The following DOCK5 variants were observed in gnomAD, a reference collection of about 807,000 sequenced individuals.
DOCK5 encodes dedicator of cytokinesis protein 5.
DOCK5 carries 142 observed loss-of-function variants against 251.8 expected under a neutral mutation model. That is an observed-to-expected ratio of 0.56 (90% CI 0.49 to 0.65). The LOEUF is 0.65. Among genes scored for constraint, DOCK5 ranks in the 30% least tolerant of loss-of-function variants. DOCK5 has a pLI of 0.00. For synonymous variants in DOCK5, 842 were observed against 835.5 expected (o/e 1.01, Z -0.13); for missense variants, 2,111 against 2,312.3 (o/e 0.91, Z 1.79).
At chr8:25,402,326 T>G (rs1044161559) in intron 47 of DOCK5, among the ~76,000 whole-genome samples, 3 of 151,770 alleles carry the variant, frequency 2.0e-5, no homozygotes, top group African/African-American at 7.3e-5. Flanking sequence ...AGACAGAGTC[T>G]CGCTCTGTCG....
chr8:25,276,976 CCTT>C (rs1476801531), intron 4 of DOCK5: 6 of 152,136 alleles, frequency 3.9e-5, no homozygotes, highest in Non-Finnish European at 5.9e-5. Flanking sequence ...GATAATTGCT[CCTT>C]ATTAACACTG....
intron 1 of DOCK5, among the ~76,000 whole-genome samples, chr8:25,187,364 T>TTG (rs34685735): frequency 0.19 from 26,528 of 136,402 alleles, 2,667 homozygotes; most frequent in African/African-American, 0.29. Context: ...TGGGTGGAAA[T>TTG]TGTGTGTGTG....
At position 25,347,732 on chromosome 8, in the gene DOCK5, A is replaced by G. The variant is rs1340174529; in HGVS notation, c.2754+2121A>G. ...ATCAGAGCATTGGATTCTAGTCCCA[A>G]TATTACCACTCTGCAGCTATTTGTC... is the stretch of plus-strand genomic sequence containing the variant. On this transcript the variant is annotated intron_variant, in intron 26 of 51. Transcript: ENST00000276440. Among the ~76,000 whole-genome samples, 9 of 152,154 alleles carry G rather than the reference A, an allele frequency of 5.9e-5. No homozygotes were observed. In the South Asian group the frequency reaches 6.2e-4, roughly 11 times the overall value.
At chr8:25,195,308 G>C (rs1398876473) in intron 1 of DOCK5, among the ~76,000 whole-genome samples, 1 of 143,674 alleles carries the variant, frequency 7.0e-6, no homozygotes, top group Non-Finnish European at 1.5e-5. Context: ...GCCCAGGCTG[G>C]TCTTGAACTC....
intron 1 of DOCK5, among the ~76,000 whole-genome samples, chr8:25,220,673 G>T (rs1445198014): frequency 6.6e-6 from 1 of 152,076 alleles, no homozygotes; most frequent in East Asian, 1.9e-4. Context: ...GTATAGTGGC[G>T]CAATCTCGGC....
chr8:25,397,091 G>A (rs1194961853), intron 45 of DOCK5, among the ~76,000 whole-genome samples: 3 of 151,964 alleles, frequency 2.0e-5, no homozygotes, highest in South Asian at 2.1e-4. Flanking sequence ...GCGTGATGGC[G>A]GGTGCCTGTA....
chr8:25,393,602 G>C (rs1036457395), intron 44 of DOCK5, among the ~76,000 whole-genome samples: 1 of 152,088 alleles, frequency 6.6e-6, no homozygotes, highest in Admixed American at 6.5e-5. Context: ...ACACTGGATC[G>C]TTTTCTCTGC....
At chr8:25,392,688 A>T in intron 43 of DOCK5, 108 bp from the exon 44 acceptor site, 4 of 942,328 alleles carry the variant, frequency 4.2e-6, no homozygotes, top group Non-Finnish European at 6.6e-6. Context: ...ATAGAATCTC[A>T]CTTAAGTGAA....
At chr8:25,312,631 C>T (rs992101407) in intron 13 of DOCK5, among the ~76,000 whole-genome samples, 15 of 152,002 alleles carry the variant, frequency 9.9e-5, no homozygotes, top group African/African-American at 3.4e-4. Flanking sequence ...GGCGAGTTGA[C>T]GTGTACCTGT....
chr8:25,409,309 G>T (rs561683757), intron 50 of DOCK5: 13 of 247,160 alleles, frequency 5.3e-5, no homozygotes, highest in Non-Finnish European at 7.2e-5. Context: ...GTCTGGCTTG[G>T]GGAACCAGCA....
intron 11 of DOCK5, among the ~76,000 whole-genome samples, chr8:25,307,733 G>A (rs990879025): frequency 2.6e-5 from 4 of 151,998 alleles, no homozygotes; most frequent in African/African-American, 7.2e-5. Flanking sequence ...TGTATAATCC[G>A]TGCCTTGAGT....
At chr8:25,203,178 CAG>C (rs1353002937) in intron 1 of DOCK5, among the ~76,000 whole-genome samples, 2 of 152,212 alleles carry the variant, frequency 1.3e-5, no homozygotes, top group African/African-American at 4.8e-5. Context: ...CCACTGATGA[CAG>C]AATCCTGAAT....
intron 20 of DOCK5, among the ~76,000 whole-genome samples, chr8:25,333,766 C>G (rs181308188): frequency 4.7e-4 from 71 of 152,296 alleles, no homozygotes; most frequent in African/African-American, 1.6e-3. Context: ...AGAGAAAACA[C>G]CTTTCCAGAG....
chr8:25,391,927 A>G lies in DOCK5; in HGVS notation c.4387A>G (p.Arg1463Gly). Residue 1463 changes from arginine to glycine, a missense_variant, in exon 43 of 52, where the codon AGA becomes GGA. Around this residue, in one of 3 missense-constraint regions of DOCK5, gnomAD observed 1,717 missense variants for 1,892.4 expected, o/e 0.91. Coordinates refer to ENST00000276440, the MANE Select transcript of DOCK5 (RefSeq NM_024940.8). Reference protein sequence around the residue: ...YYRANEVQQFRYSRPFRKGEK... With the variant: ...YYRANEVQQFGYSRPFRKGEK... The stretch of plus-strand genomic sequence containing the variant: ...CAGAGCCAATGAAGTGCAGCAGTTC[A>G]GATACTCCCGGCCGTTCCGGAAAGG... 6.2e-7 allele frequency: 1 copy of G among 1,613,934 alleles called. No homozygotes were observed. Among genetic ancestry groups the G allele is most frequent in the Non-Finnish European group, 8.5e-7 (1 of 1,179,864 alleles).
chr8:25,201,667 A>G (rs1442997958), intron 1 of DOCK5, among the ~76,000 whole-genome samples: 2 of 152,180 alleles, frequency 1.3e-5, no homozygotes, highest in African/African-American at 4.8e-5. Context: ...GGATTTTTGA[A>G]GTCCAAGTCT....
intron 5 of DOCK5, among the ~76,000 whole-genome samples, chr8:25,288,652 A>C (rs1804405620): frequency 6.6e-6 from 1 of 152,224 alleles, no homozygotes; most frequent in South Asian, 2.1e-4. Flanking sequence ...GAATAGCTAA[A>C]AGTGGACAAA....
intron 2 of DOCK5, among the ~76,000 whole-genome samples, chr8:25,263,623 C>T (rs977453341): frequency 2.6e-5 from 4 of 151,734 alleles, no homozygotes; most frequent in African/African-American, 9.7e-5. Context: ...CCCCTCACCC[C>T]GTTTTAGCTC....
At chr8:25,345,442 CTG>C in intron 25 of DOCK5, 31 bp from the exon 26 acceptor site, 1 of 1,610,618 alleles carries the variant, frequency 6.2e-7, no homozygotes, top group East Asian at 2.2e-5. Flanking sequence ...GGTGGCACTG[CTG>C]TGTGTGAGCT....
chr8:25,250,325 C>T (rs773931966), intron 2 of DOCK5, among the ~76,000 whole-genome samples: 5 of 152,196 alleles, frequency 3.3e-5, no homozygotes, highest in Non-Finnish European at 7.3e-5. Flanking sequence ...TACAGGTCTC[C>T]AGGAATTATT....
Sources: gnomAD v4.1 joint callset for allele counts (sites outside exome capture counted in the v4.1 genomes callset) on GRCh38, gnomAD v4.1.1 for gene constraint, gnomAD v4.1.1 regional missense constraint, MANE v1.5 for transcripts, NCBI Gene and HGNC (gene_info 2026-07-23, HGNC 2026-07-21) for gene names.